Variants in PRDM5 observed in about 807,000 individuals in gnomAD.
PRDM5 encodes PR/SET domain 5.
Under a neutral mutation model 81.2 loss-of-function variants are expected in PRDM5, and 56 were observed. The ratio of observed to expected loss-of-function variants is 0.69; its 90% CI spans 0.56 to 0.86. The LOEUF (loss-of-function observed/expected upper bound fraction) is 0.86, where lower values mean the gene tolerates loss of function less well. Ranked by LOEUF, PRDM5 falls within the 40% of genes least tolerant of loss-of-function variation. PRDM5 has a pLI of 0.00. For synonymous variants in PRDM5, 267 were observed against 256.4 expected (o/e 1.04, Z -0.39); for missense variants, 697 against 770.1 (o/e 0.91, Z 1.12).
chr4:120,751,734 T>C (rs1744039164), intron 14 of PRDM5, among the ~76,000 whole-genome samples: 1 of 152,238 alleles, frequency 6.6e-6, no homozygotes, highest in South Asian at 2.1e-4. Context: ...CTCCCACATC[T>C]GGGGCTCTTA....
chr4:120,918,780 T>C (rs1345936047), intron 1 of PRDM5, among the ~76,000 whole-genome samples: 1 of 152,070 alleles, frequency 6.6e-6, no homozygotes, highest in African/African-American at 2.4e-5. Flanking sequence ...GAGAGGCAAC[T>C]GTGAGCTGCA....
intron 2 of PRDM5, among the ~76,000 whole-genome samples, chr4:120,866,306 C>T (rs1561538413): frequency 6.6e-6 from 1 of 152,230 alleles, no homozygotes; most frequent in Non-Finnish European, 1.5e-5. Flanking sequence ...CTGAGAGATT[C>T]TCACATGAGT....
At chr4:120,718,178 T>C (rs924274202) in intron 14 of PRDM5, among the ~76,000 whole-genome samples, 1 of 152,216 alleles carries the variant, frequency 6.6e-6, no homozygotes, top group South Asian at 2.1e-4. Context: ...TGCTCAAAGC[T>C]GTAATAAAGC....
intron 1 of PRDM5, among the ~76,000 whole-genome samples, chr4:120,908,259 A>C (rs1766065554): frequency 6.6e-6 from 1 of 152,230 alleles, no homozygotes; most frequent in South Asian, 2.1e-4. Context: ...TTTTCTCTCT[A>C]AAGTGACCAA....
chr4:120,792,771 A>T (rs905525417), intron 10 of PRDM5, among the ~76,000 whole-genome samples: 6 of 152,230 alleles, frequency 3.9e-5, no homozygotes, highest in African/African-American at 1.4e-4. Flanking sequence ...ATTAATGAAC[A>T]TGGAGGACAT....
chr4:120,784,680 A>G (rs1222523516), intron 11 of PRDM5, among the ~76,000 whole-genome samples: 1 of 152,160 alleles, frequency 6.6e-6, no homozygotes, highest in Non-Finnish European at 1.5e-5. Context: ...TTTGAAAGGA[A>G]ACAAAATCAT....
intron 10 of PRDM5, among the ~76,000 whole-genome samples, chr4:120,790,648 T>C (rs1191740601): frequency 1.3e-5 from 2 of 152,230 alleles, no homozygotes; most frequent in Admixed American, 1.3e-4. Context: ...AATCACGTTC[T>C]ATAAATATTA....
At chr4:120,919,124 G>A (rs1011076219) in intron 1 of PRDM5, among the ~76,000 whole-genome samples, 2 of 152,196 alleles carry the variant, frequency 1.3e-5, no homozygotes, top group East Asian at 3.9e-4. Context: ...CATTTCCTCT[G>A]AAAAGTCTTC....
chr4:120,786,992 T>C (rs190927230), intron 10 of PRDM5, among the ~76,000 whole-genome samples: 1 of 152,256 alleles, frequency 6.6e-6, no homozygotes, highest in Non-Finnish European at 1.5e-5. Context: ...CAAAAGACAA[T>C]GTCCCTGCTA....
chr4:120,885,378 C>G (rs898869090), intron 2 of PRDM5: 1 of 152,040 alleles, frequency 6.6e-6, no homozygotes, highest in African/African-American at 2.4e-5. Flanking sequence ...AGTTATTAAT[C>G]CACCAGCCCT....
intron 5 of PRDM5, 93 bp downstream of exon 5, chr4:120,818,260 A>G: frequency 1.5e-6 from 2 of 1,360,912 alleles, no homozygotes; most frequent in Non-Finnish European, 2.1e-6. Flanking sequence ...GCGCGTGCAC[A>G]CACACACACA....
chr4:120,746,240 C>G (rs997663749), intron 14 of PRDM5, among the ~76,000 whole-genome samples: 3 of 128,546 alleles, frequency 2.3e-5, no homozygotes, highest in African/African-American at 9.1e-5. Flanking sequence ...ATGTAGAAAG[C>G]TGAAACTGGA....
At chr4:120,840,516 C>T (rs1280997772) in intron 3 of PRDM5, among the ~76,000 whole-genome samples, 3 of 152,088 alleles carry the variant, frequency 2.0e-5, no homozygotes, top group Non-Finnish European at 4.4e-5. Flanking sequence ...CATGGCTGGC[C>T]GGGTCCTCAA....
chr4:120,891,950 C>T (rs1249418940), intron 2 of PRDM5, among the ~76,000 whole-genome samples: 3 of 152,156 alleles, frequency 2.0e-5, no homozygotes, highest in African/African-American at 7.2e-5. Flanking sequence ...TGTTTAGCAC[C>T]ATAAAGTTCA....
chr4:120,921,388 A>G (rs1037006803), intron 1 of PRDM5, among the ~76,000 whole-genome samples: 15 of 152,256 alleles, frequency 9.9e-5, no homozygotes, highest in Admixed American at 5.2e-4. Context: ...GAAAAAATAA[A>G]TAAGTGGTTT....
chr4:120,920,339 C>A (rs986987464), intron 1 of PRDM5, among the ~76,000 whole-genome samples: 1 of 152,188 alleles, frequency 6.6e-6, no homozygotes, highest in South Asian at 2.1e-4. Context: ...AAAGTGGTAT[C>A]TTCCAAAATT....
intron 14 of PRDM5, among the ~76,000 whole-genome samples, chr4:120,738,789 A>G (rs1741484931): frequency 6.6e-6 from 1 of 152,246 alleles, no homozygotes; most frequent in African/African-American, 2.4e-5. Context: ...AATTGTACTT[A>G]TTCAGCATTA....
At chr4:120,699,703 C>G (rs1735075477) in intron 15 of PRDM5, among the ~76,000 whole-genome samples, 1 of 152,100 alleles carries the variant, frequency 6.6e-6, no homozygotes, top group Non-Finnish European at 1.5e-5. Context: ...AGGAATACAT[C>G]TAACCAAGGT....
chr4:120,862,899 C>T (rs2148505066), intron 2 of PRDM5, among the ~76,000 whole-genome samples: 1 of 152,098 alleles, frequency 6.6e-6, no homozygotes, highest in South Asian at 2.1e-4. Context: ...TAGCTCACGC[C>T]TGTAATCTCC....
Sources: gnomAD v4.1 joint callset for allele counts (sites outside exome capture counted in the v4.1 genomes callset) on GRCh38, gnomAD v4.1.1 for gene constraint, MANE v1.5 for transcripts, NCBI Gene and HGNC (gene_info 2026-07-23, HGNC 2026-07-21) for gene names.